Variants in SGSM2 observed in about 807,000 individuals in gnomAD.
SGSM2 encodes small G protein signaling modulator 2.
SGSM2 carries 89 observed loss-of-function variants against 126.6 expected under a neutral mutation model. The ratio of observed to expected loss-of-function variants is 0.70; its 90% CI spans 0.59 to 0.84. The LOEUF (loss-of-function observed/expected upper bound fraction) is 0.84, where lower values mean the gene tolerates loss of function less well. Among genes scored for constraint, SGSM2 ranks in the 40% least tolerant of loss-of-function variants. The pLI is 0.00. For missense variants in SGSM2, 1,404 were observed against 1,416.6 expected, an observed-to-expected ratio of 0.99 and a Z score of 0.14; for synonymous variants, 614 against 574.3, an observed-to-expected ratio of 1.07 and a Z score of -0.99.
chr17:2,350,192 G>T (rs1372028939), intron 2 of SGSM2, among the ~76,000 whole-genome samples: 1 of 151,924 alleles, frequency 6.6e-6, no homozygotes, highest in Non-Finnish European at 1.5e-5. Flanking sequence ...AAAGTGCTGG[G>T]ATTACAGGTG....
At chr17:2,339,047 A>T (rs2151457739) in intron 1 of SGSM2, among the ~76,000 whole-genome samples, 1 of 151,322 alleles carries the variant, frequency 6.6e-6, no homozygotes, top group Admixed American at 6.6e-5. Flanking sequence ...CGACAGAGTG[A>T]GACTCCGTCT....
chr17:2,364,432 C>T (rs942942407), intron 8 of SGSM2, 164 bp from the exon 9 acceptor site: 4 of 833,712 alleles, frequency 4.8e-6, no homozygotes, highest in African/African-American at 1.7e-5. Flanking sequence ...ATGTGCCGAG[C>T]GGGCAGCACA....
At chr17:2,338,138 C>A (rs1438848936) in intron 1 of SGSM2, among the ~76,000 whole-genome samples, 1 of 152,032 alleles carries the variant, frequency 6.6e-6, no homozygotes, top group African/African-American at 2.4e-5. Flanking sequence ...AGGTGGGTGT[C>A]GTGCGGGCCG....
At chr17:2,354,511 T>C (rs1403940671) in intron 2 of SGSM2, among the ~76,000 whole-genome samples, 5 of 152,268 alleles carry the variant, frequency 3.3e-5, no homozygotes, top group Non-Finnish European at 7.3e-5. Context: ...TTGCATGATA[T>C]TCTGCTAGAG....
chr17:2,353,553 A>C (rs942537484), intron 2 of SGSM2, among the ~76,000 whole-genome samples: 9 of 152,160 alleles, frequency 5.9e-5, no homozygotes, highest in African/African-American at 1.4e-4. Flanking sequence ...GCTTGAGCTC[A>C]GGAGTTCGAG....
At chr17:2,344,503 C>G (rs2064507868) in intron 2 of SGSM2, among the ~76,000 whole-genome samples, 1 of 151,954 alleles carries the variant, frequency 6.6e-6, no homozygotes, top group Non-Finnish European at 1.5e-5. Context: ...GCAGATACAG[C>G]TGCCCTTCCC....
chr17:2,377,892 G>C lies in SGSM2; in HGVS notation c.2838G>C (p.Gln946His). 1 of 1,613,070 alleles carries C rather than the reference G, an allele frequency of 6.2e-7. No homozygotes were observed. Among genetic ancestry groups the C allele is most frequent in the South Asian group, 1.1e-5 (1 of 91,054 alleles). ...LDSELFELMHQNGDYTHFYFC... is the reference protein window; with the variant it reads ...LDSELFELMHHNGDYTHFYFC... ...CAGAGCTGTTTGAGCTGATGCATCAGAATGGAGACTACACCCACTTCTACT... is the reference window on the plus strand; with the variant it reads ...CAGAGCTGTTTGAGCTGATGCATCACAATGGAGACTACACCCACTTCTACT... Residue 946 changes from glutamine (Q) to histidine (H), a missense_variant, in exon 22 of 24, where the codon CAG (glutamine) becomes CAC (histidine). Transcript: ENST00000268989.
In SGSM2 at chr17:2,361,642, G is replaced by A. The variant is rs761525606; in HGVS notation, c.139G>A (p.Val47Met). The A allele has an allele frequency of 1.2e-6, 2 of 1,613,682 alleles. No individual in the cohort carries two copies. Among genetic ancestry groups the A allele is most frequent in the East Asian group, 2.2e-5 (1 of 44,880 alleles). The change falls in exon 3 of 24, where the codon GTG becomes ATG. Residue 47 changes from valine to methionine, a missense_variant. By Grantham distance (21) the Val-to-Met change is conservative (BLOSUM62 1). Coordinates refer to ENST00000268989, the MANE Select transcript of SGSM2 (RefSeq NM_014853.3). ...CGTTTCCCTTTGTGGCCTAGGTGCA[G>A]TGGAGGCTTGCCTCTTGCATCAGCT... is the stretch of plus-strand genomic sequence containing the variant. ...SSHIIALCGA[V>M]EACLLHQLRR...
At chr17:2,376,295 G>C in intron 19 of SGSM2, 34 bp downstream of exon 19, 1 of 1,588,536 alleles carries the variant, frequency 6.3e-7, no homozygotes, top group Non-Finnish European at 8.5e-7. Context: ...GGTGGGAGGC[G>C]GGACCCTGCC....
chr17:2,363,886 G>T lies in SGSM2; in HGVS notation c.808-173G>T. The T allele has an allele frequency of 1.2e-6, 1 of 837,812 alleles. No homozygotes were observed. Among genetic ancestry groups the T allele is most frequent in the South Asian group, 1.7e-5 (1 of 58,560 alleles). 51.9% of individuals were successfully genotyped at this position (837,812 alleles called of 1,614,324 possible). On this transcript the variant is annotated intron_variant, in intron 7 of 23. Transcript: ENST00000268989. The surrounding 1 kb of genome is among the most constrained non-coding windows in gnomAD (Gnocchi z 4.2). ...AGGAGAGAGTCAGTGGCACCAGGCT[G>T]ACCAGGGAAACTGAGTCCTGTTTTC...
Position 2,380,024 on chromosome 17 carries a change from C to T in SGSM2, c.*504C>T. ...CAACCAAAACTGCTTCTGGTTTAGGCACACGTCACGGGTGCGGGAGACCCG... is the reference window on the plus strand; with the variant it reads ...CAACCAAAACTGCTTCTGGTTTAGGTACACGTCACGGGTGCGGGAGACCCG... On this transcript the variant is annotated 3_prime_UTR_variant, in exon 24 of 24. Coordinates refer to ENST00000268989, the MANE Select transcript of SGSM2 (RefSeq NM_014853.3). 3 of 1,402,598 alleles carry T rather than the reference C, an allele frequency of 2.1e-6. No homozygotes were observed. The highest frequency in any genetic ancestry group is 2.8e-6 in the Non-Finnish European group (3 of 1,081,928). 86.9% of individuals were successfully genotyped at this position (1,402,598 alleles called of 1,614,324 possible). A position where few individuals can be genotyped will look rare whatever the true frequency, so the allele number is the denominator to read the frequency against.
At chr17:2,358,882 T>TTG (rs1567817493) in intron 2 of SGSM2, among the ~76,000 whole-genome samples, 6 of 149,172 alleles carry the variant, frequency 4.0e-5, no homozygotes, top group African/African-American at 1.5e-4. Flanking sequence ...TGTTTTTTTT[T>TTG]TTTTTTTTTT....
intron 2 of SGSM2, among the ~76,000 whole-genome samples, chr17:2,353,806 C>G (rs1016393381): frequency 1.3e-5 from 2 of 151,748 alleles, no homozygotes; most frequent in African/African-American, 4.8e-5. Flanking sequence ...ACTCCTTTCT[C>G]TGCTCTTATT....
chr17:2,353,150 C>A (rs1353207351), intron 2 of SGSM2, among the ~76,000 whole-genome samples: 1 of 152,100 alleles, frequency 6.6e-6, no homozygotes, highest in Non-Finnish European at 1.5e-5. Context: ...CTTGTCTCAG[C>A]CCTCTGGATC....
Position 2,363,170 on chromosome 17 carries a change from G to A in SGSM2, c.672+36G>A. On this transcript the variant is annotated intron_variant, in intron 6 of 23. Coordinates refer to ENST00000268989, the MANE Select transcript of SGSM2 (RefSeq NM_014853.3). The surrounding 1 kb of genome is among the most constrained non-coding windows in gnomAD (Gnocchi z 4.2). ...CCTCCCCACCCTTTGGGCTCATCTG[G>A]GCTATGCCCATGGGCCTGTAGGGAC... 2 of 1,559,702 alleles carry A rather than the reference G, an allele frequency of 1.3e-6. No homozygotes were observed. Among genetic ancestry groups the A allele is most frequent in the Non-Finnish European group, 1.7e-6 (2 of 1,156,448 alleles).
intron 1 of SGSM2, among the ~76,000 whole-genome samples, chr17:2,342,189 G>T (rs1449398938): frequency 6.6e-6 from 1 of 151,768 alleles, no homozygotes; most frequent in Non-Finnish European, 1.5e-5. Flanking sequence ...GGCCAACGCG[G>T]GTGGATCACC....
At chr17:2,346,149 C>T (rs1227556999) in intron 2 of SGSM2, among the ~76,000 whole-genome samples, 2 of 152,076 alleles carry the variant, frequency 1.3e-5, no homozygotes, top group Non-Finnish European at 2.9e-5. Context: ...TAGCCACGTC[C>T]GAATTCAGCT....
intron 1 of SGSM2, among the ~76,000 whole-genome samples, chr17:2,342,964 G>A (rs1277723524): frequency 6.6e-6 from 1 of 152,132 alleles, no homozygotes; most frequent in Non-Finnish European, 1.5e-5. Flanking sequence ...GCAACAGAGC[G>A]AGACTCCATC....
At chr17:2,361,823 T>A in intron 3 of SGSM2, 24 bp downstream of exon 3, 1 of 1,569,522 alleles carries the variant, frequency 6.4e-7, no homozygotes, top group Non-Finnish European at 8.6e-7. Flanking sequence ...CAGCCCCTTC[T>A]TCCCTCCTTT....
Sources: gnomAD v4.1 joint callset for allele counts (sites outside exome capture counted in the v4.1 genomes callset) on GRCh38, gnomAD v4.1.1 for gene constraint, Gnocchi (gnomAD v3.1) non-coding constraint, MANE v1.5 for transcripts, NCBI Gene and HGNC (gene_info 2026-07-23, HGNC 2026-07-21) for gene names.